DPH6: variants seen among roughly 807,000 people sequenced by gnomAD.
DPH6 encodes diphthamine biosynthesis 6, also known as diphthine--ammonia ligase.
In DPH6, 33 loss-of-function variants were observed where a neutral mutation model predicts 38.2. The ratio of observed to expected loss-of-function variants is 0.86; its 90% CI spans 0.65 to 1.15. The LOEUF is 1.15. DPH6 is among the 50% of genes most tolerant of loss of function. DPH6 has a pLI of 0.00. For synonymous variants in DPH6, 108 were observed against 103.0 expected (o/e 1.05, Z -0.30); for missense variants, 325 against 320.0 (o/e 1.02, Z -0.12).
chr15:35,184,334 T>C, the DPH6 span, among the ~76,000 whole-genome samples: 17 of 152,164 alleles, frequency 1.1e-4, no homozygotes, highest in Non-Finnish European at 2.1e-4. Flanking sequence ...AAGAAACTCC[T>C]TAGAAGTGCA....
chr15:35,445,071 G>C (rs1008387189), intron 5 of DPH6, among the ~76,000 whole-genome samples: 2 of 152,154 alleles, frequency 1.3e-5, no homozygotes, highest in Non-Finnish European at 2.9e-5. Flanking sequence ...CTCTCTCTGG[G>C]TGTGTCATAG....
intron 5 of DPH6, among the ~76,000 whole-genome samples, chr15:35,422,870 C>T (rs62002914): frequency 0.22 from 34,119 of 151,674 alleles, 4,037 homozygotes; most frequent in South Asian, 0.38. Flanking sequence ...CAGGTTCATC[C>T]GTGTTGTTGA....
intron 3 of DPH6, among the ~76,000 whole-genome samples, chr15:35,530,940 T>C (rs2055077768): frequency 6.6e-6 from 1 of 152,208 alleles, no homozygotes; most frequent in South Asian, 2.1e-4. Flanking sequence ...GCATTTCTTA[T>C]GCCAAGGGAC....
At chr15:35,500,224 G>A (rs1024338089) in intron 3 of DPH6, among the ~76,000 whole-genome samples, 2 of 152,152 alleles carry the variant, frequency 1.3e-5, no homozygotes, top group Admixed American at 6.5e-5. Context: ...GGGAAATAGT[G>A]ATGGGCTCTC....
chr15:35,354,246 T>A (rs1175903884), intron 3 of DPH6, among the ~76,000 whole-genome samples: 1 of 152,192 alleles, frequency 6.6e-6, no homozygotes, highest in Admixed American at 6.5e-5. Flanking sequence ...TTTGACTTCC[T>A]CTTTTCCTAA....
chr15:35,516,301 A>G (rs2054846014), intron 3 of DPH6, among the ~76,000 whole-genome samples: 1 of 152,222 alleles, frequency 6.6e-6, no homozygotes, highest in Non-Finnish European at 1.5e-5. Context: ...AATATGAGCA[A>G]TGCTCTATGG....
At chr15:35,263,398 C>CTTT (rs757916530) in intron 3 of DPH6, among the ~76,000 whole-genome samples, 15 of 99,002 alleles carry the variant, frequency 1.5e-4, no homozygotes, top group African/African-American at 2.5e-4. Context: ...CATAATTAAT[C>CTTT]TTTTTTTTTT....
intron 5 of DPH6, among the ~76,000 whole-genome samples, chr15:35,412,911 A>G (rs550877673): frequency 9.2e-5 from 14 of 151,810 alleles, no homozygotes; most frequent in Admixed American, 3.3e-4. Flanking sequence ...TGATGAATAC[A>G]TGTTATTATA....
chr15:35,259,197 C>T (rs2051728517), intron 3 of DPH6, among the ~76,000 whole-genome samples: 1 of 151,826 alleles, frequency 6.6e-6, no homozygotes, highest in African/African-American at 2.4e-5. Flanking sequence ...CCTTGCTTTC[C>T]CTTCTCGAAT....
At chr15:35,151,986 C>T in the DPH6 span, among the ~76,000 whole-genome samples, 1 of 152,152 alleles carries the variant, frequency 6.6e-6, no homozygotes, top group African/African-American at 2.4e-5. Context: ...CTGTCACTCA[C>T]TGAGTCATAA....
At chr15:35,370,228 AC>A (rs1213196150), downstream of DPH6, among the ~76,000 whole-genome samples, 1 of 151,786 alleles carries the variant, frequency 6.6e-6, no homozygotes, top group Non-Finnish European at 1.5e-5. Flanking sequence ...AACATAAAGC[AC>A]AAAGCTATCA....
At chr15:35,341,789 CTTGTAGGAGGTGGCTGGAGATCCCTT>C (rs900937956) in intron 3 of DPH6, among the ~76,000 whole-genome samples, 1 of 152,206 alleles carries the variant, frequency 6.6e-6, no homozygotes, top group Non-Finnish European at 1.5e-5. Context: ...TCCAAACACG[CTTGTAGGAGGTGGCTGGAGATCCCTT>C]TTGGGAGGTC....
intron 5 of DPH6, among the ~76,000 whole-genome samples, chr15:35,447,478 C>T (rs2053870578): frequency 6.6e-6 from 1 of 152,106 alleles, no homozygotes; most frequent in African/African-American, 2.4e-5. Context: ...TTGACCCACA[C>T]CCTTTTCCCC....
At position 35,371,262 on chromosome 15, in the gene DPH6, A is replaced by C. The variant is rs1419937130; in HGVS notation, c.*888T>G. 1.3e-5 allele frequency: 2 copies of C among 151,830 alleles called. No individual in the cohort carries two copies. Among genetic ancestry groups the C allele is most frequent in the Non-Finnish European group, 2.9e-5 (2 of 67,814 alleles). 9.4% of individuals were successfully genotyped at this position (151,830 alleles called of 1,614,324 possible). ...TAAGGCAGTGAAATTATTCTGTATA[A>C]TACTATAACGGTTGACAAATGTCAT... On this transcript the variant is annotated 3_prime_UTR_variant, in exon 9 of 9. Coordinates refer to ENST00000256538, the MANE Select transcript of DPH6 (RefSeq NM_080650.4).
chr15:35,488,073 C>T (rs2054428584), intron 3 of DPH6, among the ~76,000 whole-genome samples: 1 of 152,128 alleles, frequency 6.6e-6, no homozygotes, highest in Admixed American at 6.6e-5. Flanking sequence ...GCTCCAGTTC[C>T]CAGTAAGGTC....
intron 3 of DPH6, among the ~76,000 whole-genome samples, chr15:35,532,901 T>G (rs2055109109): frequency 6.6e-6 from 1 of 151,704 alleles, no homozygotes; most frequent in South Asian, 2.1e-4. Flanking sequence ...GTCAGGAGTT[T>G]GAGAACAGCC....
the DPH6 span, among the ~76,000 whole-genome samples, chr15:35,191,229 C>T: frequency 6.6e-6 from 1 of 152,172 alleles, no homozygotes; most frequent in East Asian, 1.9e-4. Context: ...ACACATACTT[C>T]GAGGTATATC....
intron 3 of DPH6, among the ~76,000 whole-genome samples, chr15:35,477,555 A>T (rs993749715): frequency 6.6e-6 from 1 of 151,832 alleles, no homozygotes; most frequent in African/African-American, 2.4e-5. Flanking sequence ...TATTACTTTT[A>T]TAGGTCAGAC....
intron 3 of DPH6, among the ~76,000 whole-genome samples, chr15:35,347,178 C>A (rs915119798): frequency 6.6e-6 from 1 of 152,142 alleles, no homozygotes; most frequent in African/African-American, 2.4e-5. Flanking sequence ...AAACACTATT[C>A]TACTATATAG....
Sources: allele counts gnomAD v4.1 joint callset (sites outside exome capture counted in the v4.1 genomes callset), GRCh38; gene constraint gnomAD v4.1.1; transcripts MANE v1.5; gene names NCBI Gene and HGNC (gene_info 2026-07-23, HGNC 2026-07-21).